Variants in FBXO2 observed in about 807,000 individuals in gnomAD.
FBXO2 encodes the protein F-box protein 2.
FBXO2 carries 32 observed loss-of-function variants against 38.6 expected under a neutral mutation model. The ratio of observed to expected loss-of-function variants is 0.83; its 90% confidence interval spans 0.62 to 1.11. The LOEUF is 1.11. Among genes scored for constraint, FBXO2 ranks in the 50% most tolerant of loss-of-function variants. FBXO2 has a pLI of 0.00. For synonymous variants in FBXO2, 189 were observed against 182.9 expected (o/e 1.03, Z -0.27); for missense variants, 450 against 418.3 (o/e 1.08, Z -0.66).
At chr1:11,653,736 G>T (rs1233602626) in intron 1 of FBXO2, among the ~76,000 whole-genome samples, 2 of 152,184 alleles carry the variant, frequency 1.3e-5, no homozygotes, top group Non-Finnish European at 2.9e-5. Context: ...GGGGTCTTGG[G>T]TGCCAGAGAG....
rs1386999424 is a variant in FBXO2 at position 11,649,974 on chromosome 1, G to A, written c.492C>T (p.Ser164=). 6 of 1,613,902 alleles carry A rather than the reference G, an allele frequency of 3.7e-6. No individual in the cohort carries two copies. In the South Asian group the frequency reaches 6.6e-5, roughly 18 times the overall value. ...DSGVEFTHDE[S]VKKYFASSFE... is the part of the protein sequence containing the mutation. ...AGGAGGAGGCGAAGTACTTCTTGAC[G>A]CTCTCATCGTGGGTGAACTCCACCC... Residue 164 remains serine, a synonymous_variant, in exon 3 of 6, where the codon AGC becomes AGT. Transcript: ENST00000354287.
At position 11,648,897 on chromosome 1, in the gene FBXO2, C is replaced by T; in HGVS notation, c.757-69G>A. 3 of 1,588,902 alleles carry T rather than the reference C, an allele frequency of 1.9e-6. No individual in the cohort carries two copies. Among genetic ancestry groups the T allele is most frequent in the Admixed American group, 3.4e-5 (2 of 59,056 alleles). On this transcript the variant is annotated intron_variant, in intron 5 of 5. Coordinates refer to ENST00000354287, the MANE Select transcript of FBXO2 (RefSeq NM_012168.6). The surrounding 1 kb of genome is among the most constrained non-coding windows in gnomAD (Gnocchi z 4.2). ...CCTCTCCTGCCGCCCCACCCCGGTA[C>T]ACCGACCGACCTGCAGCTCCCCCAC...
chr1:11,650,587 G>A lies in FBXO2; in HGVS notation c.270C>T (p.Leu90=), dbSNP rs770487107. ...ELVDGAPLWL[L]KCQQEGLVPE... Reference sequence around the variant, plus strand: ...GCACCAGCCCCTCCTGCTGGCACTTGAGCAGCCACAGCGGGGCGCCGTCCA... The same window carrying A: ...GCACCAGCCCCTCCTGCTGGCACTTAAGCAGCCACAGCGGGGCGCCGTCCA... Residue 90 remains leucine (L), a synonymous_variant, in exon 2 of 6, where the codon CTC becomes CTT. Transcript: ENST00000354287. 34 of 1,594,550 alleles carry A rather than the reference G, an allele frequency of 2.1e-5. No individual in the cohort carries two copies. The highest frequency in any genetic ancestry group is 1.9e-4 in the South Asian group (17 of 88,580).
chr1:11,650,435 A>G (rs377053336), intron 2 of FBXO2, 31 bp downstream of exon 2: 3 of 1,598,002 alleles, frequency 1.9e-6, no homozygotes, highest in East Asian at 2.3e-5. Flanking sequence ...GCAGCAGGGG[A>G]AGCTGAGCTC....
rs1570217329 is a variant in FBXO2 at position 11,648,554 on chromosome 1, C to T, written c.*140G>A. On this transcript the variant is annotated 3_prime_UTR_variant, in exon 6 of 6. Transcript: ENST00000354287. The surrounding 1 kb of genome is among the most constrained non-coding windows in gnomAD (Gnocchi z 4.2). The stretch of plus-strand genomic sequence containing the variant: ...CCAACAAAACTTCTCTCTCCCTGCT[C>T]AGGGGCTGGGATCGGAGCAAGGGAT... 2 of 1,222,208 alleles carry T rather than the reference C, an allele frequency of 1.6e-6. No homozygotes were observed. Among genetic ancestry groups the T allele is most frequent in the African/African-American group, 1.5e-5 (1 of 66,566 alleles). The allele number at this position is 1,222,208 out of a possible 1,614,324, so 75.7% of individuals were successfully genotyped here.
chr1:11,654,228 C>G, intron 1 of FBXO2, 91 bp downstream of exon 1: 1 of 1,366,146 alleles, frequency 7.3e-7, no homozygotes, highest in Non-Finnish European at 9.7e-7. Context: ...GTCTCCGGGT[C>G]CCCTCGCTCT....
intron 1 of FBXO2, among the ~76,000 whole-genome samples, chr1:11,652,242 C>T (rs1180173398): frequency 6.6e-6 from 1 of 152,048 alleles, no homozygotes; most frequent in Admixed American, 6.5e-5. Flanking sequence ...CCTTCAGGGG[C>T]TGGAGAACAG....
chr1:11,650,275 G>A (rs924854943), intron 2 of FBXO2, among the ~76,000 whole-genome samples, 191 bp downstream of exon 2: 1 of 152,228 alleles, frequency 6.6e-6, no homozygotes, highest in Non-Finnish European at 1.5e-5. Context: ...CCAGCTGGCT[G>A]AGGGTGGGAG....
chr1:11,652,273 C>A (rs1639535384), intron 1 of FBXO2, among the ~76,000 whole-genome samples: 1 of 152,028 alleles, frequency 6.6e-6, no homozygotes, highest in Non-Finnish European at 1.5e-5. Context: ...CCCAGCTGTC[C>A]CCAGCTATTG....
In FBXO2 at chr1:11,648,727, C is replaced by T. The variant is rs1639456853; in HGVS notation, c.858G>A (p.Arg286=). ...CTACCCACACGCTGCTGTTGGTCAC[C>T]CGGGCCCCGAACCAGCCCTTCCAGT... The part of the protein sequence containing the change: ...SVYWKGWFGA[R]VTNSSVWVEP Residue 286 remains arginine, a synonymous_variant, in exon 6 of 6, where the codon CGG becomes CGA. Coordinates refer to ENST00000354287, the MANE Select transcript of FBXO2 (RefSeq NM_012168.6). This position sits in a 1 kb window ranked among gnomAD's most constrained non-coding sequence, Gnocchi z 4.2. The T allele has an allele frequency of 3.7e-6, 6 of 1,613,470 alleles. No individual in the cohort carries two copies. Among genetic ancestry groups the T allele is most frequent in the Non-Finnish European group, 4.2e-6 (5 of 1,180,036 alleles).
chr1:11,653,746 G>A (rs557017834), intron 1 of FBXO2, among the ~76,000 whole-genome samples: 2 of 152,286 alleles, frequency 1.3e-5, no homozygotes, highest in East Asian at 1.9e-4. Context: ...GTGCCAGAGA[G>A]GATGACTGGG....
At chr1:11,654,160 A>G (rs1639607221) in intron 1 of FBXO2, 159 bp downstream of exon 1, 1 of 717,038 alleles carries the variant, frequency 1.4e-6, no homozygotes. Context: ...TAGCAGAGAG[A>G]CGTGCTCTTT....
intron 1 of FBXO2, chr1:11,653,295 C>CA (rs1557655144): frequency 6.6e-6 from 1 of 152,302 alleles, no homozygotes; most frequent in East Asian, 1.9e-4. Context: ...CAGCTCCCCC[C>CA]ACCCTCTCTC....
In FBXO2 at chr1:11,649,853, G is replaced by A; in HGVS notation, c.543C>T (p.Val181=). 1 of 1,614,070 alleles carries A rather than the reference G, an allele frequency of 6.2e-7. No homozygotes were observed. Among genetic ancestry groups the A allele is most frequent in the Non-Finnish European group, 8.5e-7 (1 of 1,180,028 alleles). Residue 181 remains valine, a synonymous_variant, in exon 4 of 6, where the codon GTC becomes GTT. Transcript: ENST00000354287. ...SSFEWCRKAQ[V]IDLQAEGYWE... is the part of the protein sequence containing the mutation. Reference sequence around the variant, plus strand: ...AGTAGCCCTCAGCCTGCAGGTCAATGACCTGTGCTTTGCGACACCACCTGG... The same window carrying A: ...AGTAGCCCTCAGCCTGCAGGTCAATAACCTGTGCTTTGCGACACCACCTGG...
Position 11,648,612 on chromosome 1 carries a change from G to GA in FBXO2, c.*81dup. ...GGATGTGTGGCTTGGGGAAGGTGAG[G>GA]ACGCTATGGACTAAGTTAAGGCCTA... On this transcript the variant is annotated 3_prime_UTR_variant, in exon 6 of 6. Coordinates refer to ENST00000354287, the MANE Select transcript of FBXO2 (RefSeq NM_012168.6). The surrounding 1 kb of genome is among the most constrained non-coding windows in gnomAD (Gnocchi z 4.2). 1.3e-6 allele frequency: 2 copies of GA among 1,538,184 alleles called. No individual in the cohort carries two copies. Among genetic ancestry groups the GA allele is most frequent in the Non-Finnish European group, 1.8e-6 (2 of 1,129,572 alleles).
chr1:11,650,623 C>G lies in FBXO2; in HGVS notation c.234G>C (p.Trp78Cys). The change falls in exon 2 of 6, where the codon TGG becomes TGC. Residue 78 changes from tryptophan (W) to cysteine (C), a missense_variant. By Grantham distance (215) the Trp-to-Cys change is radical (BLOSUM62 -2). Coordinates refer to ENST00000354287, the MANE Select transcript of FBXO2 (RefSeq NM_012168.6). ...VQACRLVCLR[W>C]KELVDGAPLW... ...GCGGGGCGCCGTCCACCAGCTCCTT[C>G]CAGCGCAGGCACACCAGGCGGCAGG... is the stretch of plus-strand genomic sequence containing the variant. 1 of 1,585,810 alleles carries G rather than the reference C, an allele frequency of 6.3e-7. No homozygotes were observed. The highest frequency in any genetic ancestry group is 8.5e-7 in the Non-Finnish European group (1 of 1,170,796).
chr1:11,648,541 C>A lies in FBXO2; in HGVS notation c.*153G>T. 3 of 1,114,518 alleles carry A rather than the reference C, an allele frequency of 2.7e-6. No individual in the cohort carries two copies. Among genetic ancestry groups the A allele is most frequent in the Non-Finnish European group, 3.8e-6 (3 of 795,294 alleles). 69.0% of individuals were successfully genotyped at this position (1,114,518 alleles called of 1,614,324 possible). ...AAGCAAACCTATGCCAACAAAACTT[C>A]TCTCTCCCTGCTCAGGGGCTGGGAT... On this transcript the variant is annotated 3_prime_UTR_variant, in exon 6 of 6. Coordinates refer to ENST00000354287, the MANE Select transcript of FBXO2 (RefSeq NM_012168.6). This position sits in a 1 kb window ranked among gnomAD's most constrained non-coding sequence, Gnocchi z 4.2.
In FBXO2 at chr1:11,650,752, C is replaced by T. The variant is rs985768341; in HGVS notation, c.105G>A (p.Gln35=). The part of the protein sequence containing the change: ...ASAEEERPED[Q]QEEEAAAAAA... Reference sequence around the variant, plus strand: ...CGGCGGCCGCCGCCTCCTCCTCCTGCTGGTCCTCCGGCCGCTCCTCCTCAG... The same window carrying T: ...CGGCGGCCGCCGCCTCCTCCTCCTGTTGGTCCTCCGGCCGCTCCTCCTCAG... The change falls in exon 2 of 6, where the codon CAG becomes CAA. Residue 35 remains glutamine, a synonymous_variant. Coordinates refer to ENST00000354287, the MANE Select transcript of FBXO2 (RefSeq NM_012168.6). 7 of 1,531,962 alleles carry T rather than the reference C, an allele frequency of 4.6e-6. No individual in the cohort carries two copies. In the African/African-American group the frequency reaches 5.6e-5, roughly 12 times the overall value. The allele number at this position is 1,531,962 out of a possible 1,614,324, so 94.9% of individuals were successfully genotyped here.
intron 5 of FBXO2, 68 bp downstream of exon 5, chr1:11,649,019 G>A (rs1483478667): frequency 2.5e-6 from 3 of 1,211,036 alleles, no homozygotes; most frequent in Non-Finnish European, 3.5e-6. Flanking sequence ...CGCTGTGGGC[G>A]GGGTCTCCTC....
Sources: allele counts gnomAD v4.1 joint callset (sites outside exome capture counted in the v4.1 genomes callset), GRCh38; gene constraint gnomAD v4.1.1; non-coding constraint Gnocchi (gnomAD v3.1); transcripts MANE v1.5; gene names NCBI Gene and HGNC (gene_info 2026-07-23, HGNC 2026-07-21).